MCC: variants seen among roughly 807,000 people sequenced by gnomAD.
MCC encodes colorectal mutant cancer protein.
MCC carries 90 observed loss-of-function variants against 116.2 expected under a neutral mutation model. The observed-to-expected ratio is 0.77, with a 90% CI of 0.65 to 0.92. The LOEUF is 0.92. Ranked by LOEUF, MCC falls within the 40% of genes least tolerant of loss-of-function variation. The pLI is 0.00. For synonymous variants in MCC, 578 were observed against 510.5 expected (o/e 1.13, Z -1.78); for missense variants, 1,516 against 1,312.2 (o/e 1.16, Z -2.40).
chr5:113,194,145 T>C (rs1762273407), intron 3 of MCC, among the ~76,000 whole-genome samples: 1 of 152,172 alleles, frequency 6.6e-6, no homozygotes, highest in South Asian at 2.1e-4. Context: ...AGTCCTGTGA[T>C]TGGCGGAAAA....
At chr5:113,075,600 G>T (rs1282757748) in intron 11 of MCC, among the ~76,000 whole-genome samples, 1 of 152,194 alleles carries the variant, frequency 6.6e-6, no homozygotes, top group African/African-American at 2.4e-5. Flanking sequence ...AAATGCACCA[G>T]TCAGCACCCT....
chr5:113,313,419 A>T (rs1767187613), intron 3 of MCC, among the ~76,000 whole-genome samples: 1 of 152,116 alleles, frequency 6.6e-6, no homozygotes, highest in Non-Finnish European at 1.5e-5. Flanking sequence ...GCCAAATTGC[A>T]CTCACTGAAA....
At chr5:113,103,112 TA>T (rs974603162) in intron 7 of MCC, among the ~76,000 whole-genome samples, 27 of 151,156 alleles carry the variant, frequency 1.8e-4, no homozygotes, top group Non-Finnish European at 3.0e-4. Flanking sequence ...AGACTCCGTC[TA>T]AAAAAAAATA....
chr5:113,387,336 T>C (rs1769284982), intron 1 of MCC, among the ~76,000 whole-genome samples: 1 of 152,220 alleles, frequency 6.6e-6, no homozygotes, highest in South Asian at 2.1e-4. Context: ...AAAATGTTTG[T>C]TTGGTTTTTA....
intron 14 of MCC, among the ~76,000 whole-genome samples, chr5:113,058,782 C>T (rs1393006003): frequency 6.6e-6 from 1 of 152,220 alleles, no homozygotes; most frequent in Non-Finnish European, 1.5e-5. Flanking sequence ...GGAAAGGATA[C>T]GGCAGGCCCT....
Position 113,376,578 on chromosome 5 carries a change from C to T in MCC, c.415+8390G>A, listed in dbSNP as rs11746154. On this transcript the variant is annotated intron_variant, in intron 2 of 18. Coordinates refer to ENST00000408903, the MANE Select transcript of MCC (RefSeq NM_001085377.2). ...TCTCCTAGTTGCCATATTTTATACA[C>T]ACACACACACACACACACACACACA... 3.3e-3 allele frequency among the ~76,000 whole-genome samples: 426 copies of T among 128,360 alleles called. 2 individuals carry two copies. The highest frequency in any genetic ancestry group is 0.012 in the Middle Eastern group (3 of 252). 84.2% of individuals were successfully genotyped at this position (128,360 alleles called of 152,430 possible). A position where few individuals can be genotyped will look rare whatever the true frequency, so the allele number is the denominator to read the frequency against.
At chr5:113,409,241 C>T (rs1769913783) in intron 1 of MCC, among the ~76,000 whole-genome samples, 1 of 152,184 alleles carries the variant, frequency 6.6e-6, no homozygotes, top group East Asian at 1.9e-4. Flanking sequence ...GGGAAATGTA[C>T]TCTGATTTTC....
chr5:113,115,662 G>A (rs1472420363), intron 6 of MCC, among the ~76,000 whole-genome samples: 2 of 151,990 alleles, frequency 1.3e-5, no homozygotes, highest in African/African-American at 4.8e-5. Context: ...AGCCTCGGTG[G>A]CAGAAAAGTT....
chr5:113,340,419 A>C, intron 3 of MCC, 100 bp downstream of exon 3: 2 of 996,584 alleles, frequency 2.0e-6, no homozygotes, highest in South Asian at 2.9e-5. Flanking sequence ...GCAATAAAGA[A>C]GACAATACCC....
chr5:113,095,367 A>G (rs28624929), intron 8 of MCC, among the ~76,000 whole-genome samples: 25,028 of 152,174 alleles, frequency 0.16, 3,240 homozygotes, highest in African/African-American at 0.36. Context: ...AAGCTTTTGT[A>G]GGCCTCTGTT....
intron 15 of MCC, 76 bp downstream of exon 15, chr5:113,053,649 G>T: frequency 9.5e-7 from 1 of 1,048,972 alleles, no homozygotes; most frequent in Non-Finnish European, 1.4e-6. Context: ...CTCCTTATCT[G>T]CTGGACCTGC....
intron 3 of MCC, among the ~76,000 whole-genome samples, chr5:113,321,918 A>G (rs974297123): frequency 2.6e-5 from 4 of 151,944 alleles, no homozygotes; most frequent in African/African-American, 9.7e-5. Flanking sequence ...TGCAACCTCC[A>G]CCTCCCGGGT....
intron 3 of MCC, among the ~76,000 whole-genome samples, chr5:113,271,111 AT>A (rs1194609029): frequency 6.6e-6 from 1 of 152,212 alleles, no homozygotes; most frequent in Non-Finnish European, 1.5e-5. Context: ...TGTTAAGACA[AT>A]AGCAGGAAAT....
chr5:113,303,001 G>A (rs1766900286), intron 3 of MCC, among the ~76,000 whole-genome samples: 1 of 152,198 alleles, frequency 6.6e-6, no homozygotes, highest in Non-Finnish European at 1.5e-5. Flanking sequence ...AGGATTCAGT[G>A]AATGATTGGA....
At chr5:113,061,058 T>C (rs1049042606) in intron 14 of MCC, among the ~76,000 whole-genome samples, 20 of 152,198 alleles carry the variant, frequency 1.3e-4, no homozygotes, top group African/African-American at 4.8e-4. Context: ...TTTACCTTAA[T>C]CCAGACTAGT....
chr5:113,186,646 A>G (rs1443807410), intron 3 of MCC, among the ~76,000 whole-genome samples: 1 of 152,204 alleles, frequency 6.6e-6, no homozygotes, highest in Admixed American at 6.5e-5. Context: ...CAACACATAT[A>G]TTAGAGAATA....
intron 2 of MCC, among the ~76,000 whole-genome samples, chr5:113,372,551 C>T (rs1167675764): frequency 6.6e-6 from 1 of 151,862 alleles, no homozygotes; most frequent in African/African-American, 2.4e-5. Flanking sequence ...TTAGTTTTTC[C>T]TTCTGTCTGC....
At chr5:113,144,211 C>T (rs543996587) in intron 4 of MCC, among the ~76,000 whole-genome samples, 10 of 152,340 alleles carry the variant, frequency 6.6e-5, no homozygotes, top group Admixed American at 5.9e-4. Context: ...GTTATAGAAA[C>T]ATTTCTGTAG....
At chr5:113,244,285 T>C (rs975193789) in intron 3 of MCC, among the ~76,000 whole-genome samples, 39 of 152,250 alleles carry the variant, frequency 2.6e-4, no homozygotes, top group African/African-American at 9.4e-4. Flanking sequence ...TTATGAAATG[T>C]AGATCTGTAA....
Sources: gnomAD v4.1 joint callset for allele counts (sites outside exome capture counted in the v4.1 genomes callset) on GRCh38, gnomAD v4.1.1 for gene constraint, MANE v1.5 for transcripts, NCBI Gene and HGNC (gene_info 2026-07-23, HGNC 2026-07-21) for gene names.